The following NDUFS5 variants were observed in gnomAD, a reference collection of about 807,000 sequenced individuals.
The protein encoded by NDUFS5 is NADH dehydrogenase [ubiquinone] iron-sulfur protein 5.
NDUFS5 carries 7 observed loss-of-function variants against 10.5 expected under a neutral mutation model. That is an observed-to-expected ratio of 0.66 (90% CI 0.38 to 1.25). NDUFS5 has a LOEUF of 1.25. NDUFS5 is among the 50% of genes most tolerant of loss of function. The probability of loss-of-function intolerance (pLI) is 0.02; values close to 1 mark genes in which losing one functional copy is unlikely to be tolerated. For synonymous variants in NDUFS5, 38 were observed against 44.0 expected, an observed-to-expected ratio of 0.86 and a Z score of 0.54; for missense variants, 148 against 140.7, an observed-to-expected ratio of 1.05 and a Z score of -0.26.
At chr1:39,033,650 C>T (rs183147752) in intron 2 of NDUFS5, among the ~76,000 whole-genome samples, 28 of 149,636 alleles carry the variant, frequency 1.9e-4, no homozygotes, top group East Asian at 4.1e-4. Context: ...CACAGGCGCG[C>T]GCCACCACGC....
chr1:39,028,919 G>T lies in NDUFS5; in HGVS notation c.195G>T (p.Glu65Asp). 1 of 1,613,778 alleles carries T rather than the reference G, an allele frequency of 6.2e-7. No homozygotes were observed. Among genetic ancestry groups the T allele is most frequent in the Non-Finnish European group, 8.5e-7 (1 of 1,179,836 alleles). Residue 65 changes from glutamate to aspartate, a missense_variant, in exon 2 of 3, where the codon GAG becomes GAT. Coordinates refer to ENST00000372969, the MANE Select transcript of NDUFS5 (RefSeq NM_004552.3). ...ECKIEYDDFV[E>D]CLLRQKTMRR... ...AGATAGAATATGATGATTTCGTAGA[G>T]TGTTTGCTTCGGCAGAAAACGGTAA...
At chr1:39,029,282 C>T (rs764958712) in intron 2 of NDUFS5, among the ~76,000 whole-genome samples, 7 of 152,058 alleles carry the variant, frequency 4.6e-5, no homozygotes, top group Admixed American at 2.0e-4. Context: ...CATGAGCCAC[C>T]GTGCCTGGCC....
intron 2 of NDUFS5, among the ~76,000 whole-genome samples, chr1:39,031,068 C>T (rs1380118054): frequency 6.6e-6 from 1 of 151,990 alleles, no homozygotes; most frequent in Non-Finnish European, 1.5e-5. Context: ...CAAGGTTTCA[C>T]CATGTTGCCC....
At chr1:39,027,814 CTTTTTTTTTT>C (rs1157906500) in intron 1 of NDUFS5, among the ~76,000 whole-genome samples, 2 of 35,546 alleles carry the variant, frequency 5.6e-5, no homozygotes, top group African/African-American at 1.9e-4. Flanking sequence ...TCTTCTTCTT[CTTTTTTTTTT>C]TTTTTTTTTT....
chr1:39,034,607 T>C lies in NDUFS5; in HGVS notation c.*111T>C. ...AAAGTGTGTAAAAATAAAGGATTGC[T>C]CCATCCTATTTGTTCTATTTTCTCT... On this transcript the variant is annotated 3_prime_UTR_variant, in exon 3 of 3. Transcript: ENST00000372969. The C allele has an allele frequency of 1.2e-6, 1 of 850,198 alleles. No individual in the cohort carries two copies. Among genetic ancestry groups the C allele is most frequent in the Non-Finnish European group, 1.9e-6 (1 of 516,594 alleles). The allele number at this position is 850,198 out of a possible 1,614,324, so 52.7% of individuals were successfully genotyped here. A position where few individuals can be genotyped will look rare whatever the true frequency, so the allele number is the denominator to read the frequency against.
chr1:39,033,337 G>A (rs1644202961), intron 2 of NDUFS5, among the ~76,000 whole-genome samples: 1 of 152,000 alleles, frequency 6.6e-6, no homozygotes, highest in Non-Finnish European at 1.5e-5. Context: ...ACTTTGGGAG[G>A]CCGAGGCTGG....
intron 2 of NDUFS5, among the ~76,000 whole-genome samples, chr1:39,031,617 GT>G (rs1404385700): frequency 1.3e-5 from 2 of 152,098 alleles, no homozygotes; most frequent in African/African-American, 4.8e-5. Context: ...ACCACCACTA[GT>G]TTTGTGACTT....
intron 2 of NDUFS5, among the ~76,000 whole-genome samples, chr1:39,031,840 G>A (rs1644192259): frequency 6.6e-6 from 1 of 152,128 alleles, no homozygotes; most frequent in Admixed American, 6.6e-5. Flanking sequence ...ATATTATAAT[G>A]CATGTATTTC....
At chr1:39,028,317 A>C (rs922436906) in intron 1 of NDUFS5, among the ~76,000 whole-genome samples, 1 of 151,930 alleles carries the variant, frequency 6.6e-6, no homozygotes, top group Admixed American at 6.6e-5. Context: ...CTGTAGTCCC[A>C]GCTACTTGGG....
intron 1 of NDUFS5, 138 bp from the exon 2 acceptor site, chr1:39,028,585 A>G: frequency 1.2e-6 from 1 of 802,882 alleles, no homozygotes; most frequent in Non-Finnish European, 2.0e-6. Context: ...TTTGGTGAGA[A>G]GAAATCAGGA....
At chr1:39,029,724 G>A (rs985104093) in intron 2 of NDUFS5, among the ~76,000 whole-genome samples, 5 of 152,202 alleles carry the variant, frequency 3.3e-5, no homozygotes, top group Non-Finnish European at 7.3e-5. Context: ...GTGTTAATGA[G>A]ATTGCTGTAC....
intron 1 of NDUFS5, among the ~76,000 whole-genome samples, chr1:39,027,739 CTTTTTTTTT>C (rs1162808002): frequency 2.3e-5 from 1 of 43,366 alleles, no homozygotes; most frequent in African/African-American, 7.9e-5. Flanking sequence ...CCACAAGTGC[CTTTTTTTTT>C]TTTTTTTTTT....
rs1420478516 is a variant in NDUFS5 at position 39,028,999 on chromosome 1, T to TG, written c.216+59_216+60insG. On this transcript the variant is annotated intron_variant, in intron 2 of 2. Coordinates refer to ENST00000372969, the MANE Select transcript of NDUFS5 (RefSeq NM_004552.3). ...TTTCTTGTTCCTTTGGGACTCTTTTTTTTTTTTTTTGAGACGAAGTCTCAC... is the reference window on the plus strand; with the variant it reads ...TTTCTTGTTCCTTTGGGACTCTTTTTGTTTTTTTTTTGAGACGAAGTCTCAC... 1,224 of 1,489,998 alleles carry TG rather than the reference T, an allele frequency of 8.2e-4. 13 individuals carry two copies. In the African/African-American group the frequency reaches 0.016, roughly 19 times the overall value. The allele number at this position is 1,489,998 out of a possible 1,614,324, so 92.3% of individuals were successfully genotyped here. A position where few individuals can be genotyped will look rare whatever the true frequency, so the allele number is the denominator to read the frequency against.
chr1:39,029,614 A>G (rs1396375997), intron 2 of NDUFS5, among the ~76,000 whole-genome samples: 1 of 152,216 alleles, frequency 6.6e-6, no homozygotes, highest in East Asian at 1.9e-4. Flanking sequence ...GGGTGAAAAT[A>G]TGTTCAAATC....
chr1:39,030,179 C>T lies in NDUFS5; in HGVS notation c.216+1239C>T, dbSNP rs546317739. 9.3e-5 allele frequency among the ~76,000 whole-genome samples: 14 copies of T among 150,434 alleles called. No individual in the cohort carries two copies. The South Asian group carries it at 2.3e-3, about 25-fold the overall frequency. On this transcript the variant is annotated intron_variant, in intron 2 of 2. Transcript: ENST00000372969. Reference sequence around the variant, plus strand: ...CAGCACTTTGGGAGGCCAAGGTGGGCGGATCACCTGAGGTCAGGAGTTCAA... The same window carrying T: ...CAGCACTTTGGGAGGCCAAGGTGGGTGGATCACCTGAGGTCAGGAGTTCAA...
At chr1:39,027,301 G>A (rs1644156134) in intron 1 of NDUFS5, among the ~76,000 whole-genome samples, 2 of 152,026 alleles carry the variant, frequency 1.3e-5, no homozygotes, top group Admixed American at 1.3e-4. Flanking sequence ...TGAACTCGCG[G>A]CCTCAGGTGA....
chr1:39,028,790 T>A lies in NDUFS5; in HGVS notation c.66T>A (p.Ser22Arg). Residue 22 changes from serine (S) to arginine (R), a missense_variant, in exon 2 of 3, where the codon AGT (serine) becomes AGA (arginine). Ser to Arg is a moderately radical substitution (Grantham distance 110, BLOSUM62 -1). Coordinates refer to ENST00000372969, the MANE Select transcript of NDUFS5 (RefSeq NM_004552.3). ...TAGATCGATGGTTGACAATCCAGAG[T>A]GGTGAACAGCCCTACAAGATGGCTG... Reference protein sequence around the residue: ...LNIDRWLTIQSGEQPYKMAGR... With the variant: ...LNIDRWLTIQRGEQPYKMAGR... The A allele has an allele frequency of 6.2e-7, 1 of 1,613,886 alleles. No homozygotes were observed.
At chr1:39,028,994 C>CTT (rs35464164) in intron 2 of NDUFS5, 54 bp downstream of exon 2, 45,804 of 1,172,656 alleles carry the variant, frequency 0.039, 6 homozygotes, top group Non-Finnish European at 0.047. Flanking sequence ...CTTTGGGACT[C>CTT]TTTTTTTTTT....
intron 2 of NDUFS5, among the ~76,000 whole-genome samples, chr1:39,029,571 A>G (rs1001364043): frequency 2.0e-5 from 3 of 152,198 alleles, no homozygotes; most frequent in South Asian, 2.1e-4. Flanking sequence ...GAGAATATCA[A>G]CTAGTTTTGG....
Sources: gnomAD v4.1 joint callset for allele counts (sites outside exome capture counted in the v4.1 genomes callset) on GRCh38, gnomAD v4.1.1 for gene constraint, MANE v1.5 for transcripts, NCBI Gene and HGNC (gene_info 2026-07-23, HGNC 2026-07-21) for gene names.